CHST9: variants seen among roughly 807,000 people sequenced by gnomAD.
CHST9 encodes GalNAc-4-sulfotransferase 2.
A neutral mutation model predicts 44.4 loss-of-function variants in CHST9; 41 were observed. The ratio of observed to expected loss-of-function variants is 0.92; its 90% CI spans 0.72 to 1.20. CHST9 has a LOEUF of 1.20. CHST9 is among the 50% of genes most tolerant of loss of function. CHST9 has a pLI of 0.00. For missense variants in CHST9, 504 were observed against 516.5 expected, an observed-to-expected ratio of 0.98 and a Z score of 0.23; for synonymous variants, 171 against 178.4, an observed-to-expected ratio of 0.96 and a Z score of 0.33.
chr18:27,021,841 T>C (rs2143454506), intron 4 of CHST9, among the ~76,000 whole-genome samples: 1 of 152,332 alleles, frequency 6.6e-6, no homozygotes, highest in African/African-American at 2.4e-5. Flanking sequence ...GGTCTCACTG[T>C]GTTGCACAGA....
At chr18:26,989,562 C>A (rs1213056055) in intron 4 of CHST9, among the ~76,000 whole-genome samples, 2 of 152,216 alleles carry the variant, frequency 1.3e-5, no homozygotes, top group Non-Finnish European at 2.9e-5. Flanking sequence ...CTTGATCCAA[C>A]CTTCCTAGGC....
rs2055402896 is a variant in CHST9 at position 26,908,801 on chromosome 18, T to C, written c.*7458A>G. ...TCCTTTAATGAAGTTCAAGAAAATA[T>C]ACATTATAACCATTTAAGTTAAATT... On this transcript the variant is annotated 3_prime_UTR_variant, in exon 6 of 6. Coordinates refer to ENST00000618847, the MANE Select transcript of CHST9 (RefSeq NM_031422.6). 1.3e-5 allele frequency: 2 copies of C among 152,240 alleles called. No individual in the cohort carries two copies. The highest frequency in any genetic ancestry group is 4.8e-5 in the African/African-American group (2 of 41,472). The allele number at this position is 152,240 out of a possible 1,614,324, so 9.4% of individuals were successfully genotyped here.
At chr18:27,140,007 G>A (rs947979826) in intron 2 of CHST9, among the ~76,000 whole-genome samples, 6 of 152,106 alleles carry the variant, frequency 3.9e-5, no homozygotes, top group African/African-American at 1.2e-4. Context: ...CAGGGATTCC[G>A]ACAATTAGGA....
chr18:27,170,695 C>T (rs1389608951), intron 1 of CHST9, among the ~76,000 whole-genome samples: 1 of 151,976 alleles, frequency 6.6e-6, no homozygotes, highest in Non-Finnish European at 1.5e-5. Flanking sequence ...TTTTACTCTG[C>T]CTCCTTTTTT....
chr18:26,966,672 G>A (rs4800274), intron 4 of CHST9, among the ~76,000 whole-genome samples: 40,062 of 151,968 alleles, frequency 0.26, 5,836 homozygotes, highest in African/African-American at 0.39. Context: ...AGACCTTTCT[G>A]TCATGACACA....
chr18:26,981,550 A>T (rs2056692235), intron 4 of CHST9, among the ~76,000 whole-genome samples: 1 of 152,214 alleles, frequency 6.6e-6, no homozygotes, highest in Admixed American at 6.5e-5. Flanking sequence ...TCAGGAATAC[A>T]TGTGCAATCC....
chr18:26,916,316 G>T lies in CHST9; in HGVS notation c.1275C>A (p.Ile425=). 1 of 1,606,568 alleles carries T rather than the reference G, an allele frequency of 6.2e-7. No homozygotes were observed. Among genetic ancestry groups the T allele is most frequent in the African/African-American group, 1.3e-5 (1 of 74,902 alleles). ...AATAGTCCAAGTAATAAAAGTCATAGATTAATTGTCTCTCAGTTCTAGTCA... is the reference window on the plus strand; with the variant it reads ...AATAGTCCAAGTAATAAAAGTCATATATTAATTGTCTCTCAGTTCTAGTCA... ...KDLTRTERQL[I]YDFYYLDYLM... Residue 425 remains isoleucine (I), a synonymous_variant, in exon 6 of 6, where the codon ATC becomes ATA. Coordinates refer to ENST00000618847, the MANE Select transcript of CHST9 (RefSeq NM_031422.6).
At chr18:27,126,391 G>C (rs567306754) in intron 2 of CHST9, among the ~76,000 whole-genome samples, 1 of 152,110 alleles carries the variant, frequency 6.6e-6, no homozygotes, top group Non-Finnish European at 1.5e-5. Context: ...TGGTCTAGTG[G>C]GTTGAGTGTG....
In CHST9 at chr18:26,974,035, C is replaced by G. The variant is rs60114117; in HGVS notation, c.203-29669G>C. ...ACACACTGAGATGTTTTTAATCAAG[C>G]CACCATCTGGGCCATACATTTTGGT... On this transcript the variant is annotated intron_variant, in intron 4 of 5. Transcript: ENST00000618847. Among the ~76,000 whole-genome samples the G allele has an allele frequency of 9.1e-3, 1,388 of 152,280 alleles. 22 individuals are homozygous for G. Among genetic ancestry groups the G allele is most frequent in the African/African-American group, 0.032 (1,331 of 41,542 alleles).
At chr18:26,993,423 G>T (rs1462529036) in intron 4 of CHST9, among the ~76,000 whole-genome samples, 1 of 152,166 alleles carries the variant, frequency 6.6e-6, no homozygotes, top group Non-Finnish European at 1.5e-5. Flanking sequence ...TAATGTTGAT[G>T]ACTGTCTCAT....
chr18:27,096,297 A>C (rs955206888), intron 2 of CHST9, among the ~76,000 whole-genome samples: 2 of 152,036 alleles, frequency 1.3e-5, no homozygotes, highest in African/African-American at 4.8e-5. Context: ...TGTTAAGAGG[A>C]AAGTTTATAG....
intron 3 of CHST9, among the ~76,000 whole-genome samples, chr18:27,027,232 G>A (rs399762): frequency 2.0e-5 from 3 of 152,204 alleles, no homozygotes; most frequent in Non-Finnish European, 1.5e-5. Context: ...TACAAGGATA[G>A]GAAAAGGTTA....
At chr18:26,990,056 T>C (rs926151037) in intron 4 of CHST9, among the ~76,000 whole-genome samples, 1 of 152,120 alleles carries the variant, frequency 6.6e-6, no homozygotes, top group African/African-American at 2.4e-5. Context: ...GGAAAACTAC[T>C]CAGCCACAAA....
intron 5 of CHST9, chr18:26,935,307 AAG>A (rs1376406160): frequency 6.6e-6 from 1 of 152,160 alleles, no homozygotes; most frequent in Non-Finnish European, 1.5e-5. Context: ...ACATATTTCT[AAG>A]AGTCATTTAG....
intron 2 of CHST9, among the ~76,000 whole-genome samples, chr18:27,098,945 A>G (rs1270967432): frequency 6.6e-6 from 1 of 152,194 alleles, no homozygotes; most frequent in Non-Finnish European, 1.5e-5. Flanking sequence ...TCAACTTTGA[A>G]CTATACTATA....
At chr18:27,102,026 A>G (rs2058177340) in intron 2 of CHST9, among the ~76,000 whole-genome samples, 2 of 152,222 alleles carry the variant, frequency 1.3e-5, no homozygotes, top group African/African-American at 2.4e-5. Context: ...GTGAGTTGCA[A>G]CTGGGCTTCT....
chr18:27,053,078 TAA>T (rs2057588065), intron 2 of CHST9, among the ~76,000 whole-genome samples: 1 of 130,984 alleles, frequency 7.6e-6, no homozygotes, highest in African/African-American at 2.9e-5. Context: ...TCCCAGAACT[TAA>T]AGTAAAGAAG....
intron 1 of CHST9, among the ~76,000 whole-genome samples, chr18:27,147,433 A>C (rs1278098701): frequency 6.6e-6 from 1 of 152,112 alleles, no homozygotes; most frequent in East Asian, 1.9e-4. Context: ...CAAATGATGC[A>C]GGCAGTTTAG....
intron 2 of CHST9, among the ~76,000 whole-genome samples, chr18:27,116,202 C>G (rs982736070): frequency 6.6e-6 from 1 of 151,932 alleles, no homozygotes; most frequent in African/African-American, 2.4e-5. Flanking sequence ...GTTAAGGAAC[C>G]CATTGTCATG....
Sources: gnomAD v4.1 joint callset for allele counts (sites outside exome capture counted in the v4.1 genomes callset) on GRCh38, gnomAD v4.1.1 for gene constraint, MANE v1.5 for transcripts, NCBI Gene and HGNC (gene_info 2026-07-23, HGNC 2026-07-21) for gene names.